The following CLASRP variants were observed in gnomAD, a reference collection of about 807,000 sequenced individuals.
The protein encoded by CLASRP is CLK4-associating serine/arginine rich protein.
A neutral mutation model predicts 99.9 loss-of-function variants in CLASRP; 52 were observed. The ratio of observed to expected loss-of-function variants is 0.52; its 90% confidence interval spans 0.42 to 0.66. CLASRP has a LOEUF of 0.66. Among genes scored for constraint, CLASRP ranks in the 30% least tolerant of loss-of-function variants. The pLI, the probability that CLASRP is intolerant of heterozygous loss-of-function variation, is 0.00. For missense variants in CLASRP, 848 were observed against 999.2 expected, an observed-to-expected ratio of 0.85 and a Z score of 2.04; for synonymous variants, 379 against 373.0, an observed-to-expected ratio of 1.02 and a Z score of -0.18.
intron 4 of CLASRP, 91 bp from the exon 5 acceptor site, chr19:45,053,007 G>A (rs756322732): frequency 6.4e-7 from 1 of 1,553,108 alleles, no homozygotes. Context: ...ACCGCCCTGA[G>A]CCTGAGGGGG....
chr19:45,061,337 C>T (rs1017430686), intron 10 of CLASRP, among the ~76,000 whole-genome samples: 2 of 152,224 alleles, frequency 1.3e-5, no homozygotes, highest in Non-Finnish European at 2.9e-5. Flanking sequence ...GAGGGTAGTG[C>T]AGGAACGCCC....
rs202206503 is a variant in CLASRP, at chr19:45,042,527, A to ATATATATG, written c.99+2217_99+2218insATATATGT. The stretch of plus-strand genomic sequence containing the variant: ...AAAAAAAATTTATATATATATATAT[A>ATATATATG]TGTGTGTGTATGTATGTATACACAC... On this transcript the variant is annotated intron_variant, in intron 2 of 20. Coordinates refer to ENST00000221455, the MANE Select transcript of CLASRP (RefSeq NM_007056.3). Among the ~76,000 whole-genome samples the ATATATATG allele has an allele frequency of 2.9e-3, 442 of 151,648 alleles. 1 individual carries two copies. The highest frequency in any genetic ancestry group is 0.01 in the African/African-American group (421 of 41,380).
Position 45,060,503 on chromosome 19 carries a change from G to T in CLASRP, c.789+36G>T. ...GGCTGGAGTGGAAGGGGACAGGGGT[G>T]TGTCACAGGGAGGGCACCCCCTCAC... is the stretch of plus-strand genomic sequence containing the variant. On this transcript the variant is annotated intron_variant, in intron 9 of 20. Transcript: ENST00000221455. The surrounding 1 kb of genome is among the most constrained non-coding windows in gnomAD (Gnocchi z 4.6). 1 of 1,613,502 alleles carries T rather than the reference G, an allele frequency of 6.2e-7. No homozygotes were observed. Among genetic ancestry groups the T allele is most frequent in the Non-Finnish European group, 8.5e-7 (1 of 1,179,448 alleles).
In CLASRP at chr19:45,064,176, C is replaced by G; in HGVS notation, c.1070C>G (p.Pro357Arg). 2 of 1,609,588 alleles carry G rather than the reference C, an allele frequency of 1.2e-6. No homozygotes were observed. The highest frequency in any genetic ancestry group is 1.7e-6 in the Non-Finnish European group (2 of 1,178,748). ...TCAGGAGTCACCACAGGGAAGCCCC[C>G]CGCACCTCCCCAGCCTGGCGGCCCC... ...AASGVTTGKP[P>R]APPQPGGPAP... Residue 357 changes from proline (P) to arginine (R), a missense_variant, in exon 12 of 21, where the codon CCC becomes CGC. Transcript: ENST00000221455.
chr19:45,062,084 G>T, intron 10 of CLASRP, 70 bp from the exon 11 acceptor site: 1 of 947,372 alleles, frequency 1.1e-6, no homozygotes, highest in Non-Finnish European at 1.7e-6. Flanking sequence ...AGGTTGGCGG[G>T]CTTATCCCAA....
At chr19:45,069,558 G>T (rs900746425) in intron 18 of CLASRP, 1 of 543,690 alleles carries the variant, frequency 1.8e-6, no homozygotes, top group Non-Finnish European at 3.3e-6. Context: ...CTCACCCACC[G>T]CCATGGGTCT....
intron 3 of CLASRP, among the ~76,000 whole-genome samples, chr19:45,052,544 GCC>G: frequency 6.6e-6 from 1 of 152,230 alleles, no homozygotes; most frequent in East Asian, 1.9e-4. Context: ...GAGAAATGGG[GCC>G]CTGGTGTCCC....
At chr19:45,056,977 A>C (rs952695064) in intron 6 of CLASRP, among the ~76,000 whole-genome samples, 1 of 152,044 alleles carries the variant, frequency 6.6e-6, no homozygotes, top group African/African-American at 2.4e-5. Flanking sequence ...AGCTGATGTC[A>C]CTCTGGAGAG....
chr19:45,043,374 T>C (rs1246468680), intron 2 of CLASRP, among the ~76,000 whole-genome samples: 3 of 132,468 alleles, frequency 2.3e-5, no homozygotes, highest in Non-Finnish European at 3.0e-5. Context: ...ATAGTGCCAC[T>C]GCACTCCAGC....
At chr19:45,054,182 C>G (rs902138578) in intron 5 of CLASRP, among the ~76,000 whole-genome samples, 11 of 152,188 alleles carry the variant, frequency 7.2e-5, no homozygotes, top group African/African-American at 2.7e-4. Context: ...CAGACTTGGG[C>G]TTTTTTGTCT....
intron 17 of CLASRP, 31 bp downstream of exon 17, chr19:45,069,155 G>A (rs1467515379): frequency 7.4e-6 from 12 of 1,613,988 alleles, no homozygotes; most frequent in Non-Finnish European, 1.0e-5. Context: ...CTGGGGTGAC[G>A]GGTGGGTGCT....
At chr19:45,053,700 G>A (rs1191535034) in intron 5 of CLASRP, among the ~76,000 whole-genome samples, 5 of 152,060 alleles carry the variant, frequency 3.3e-5, no homozygotes, top group East Asian at 3.9e-4. Flanking sequence ...GGCTGGTCTC[G>A]AACTCTTGAC....
chr19:45,050,208 G>C (rs553795592), intron 2 of CLASRP, among the ~76,000 whole-genome samples: 3 of 130,502 alleles, frequency 2.3e-5, no homozygotes, highest in African/African-American at 8.3e-5. Context: ...GGAGTGGGGT[G>C]GGGGGTGGGG....
At chr19:45,065,281 T>C (rs373200019) in intron 13 of CLASRP, among the ~76,000 whole-genome samples, 36 of 150,896 alleles carry the variant, frequency 2.4e-4, no homozygotes, top group African/African-American at 8.8e-4. Flanking sequence ...TCCCAGCTAC[T>C]TGAGAGGCTG....
In CLASRP at chr19:45,070,304, T is replaced by TAC. The variant is rs147314692; in HGVS notation, c.1957+216_1958-216dup. Among the ~76,000 whole-genome samples the TAC allele has an allele frequency of 3.0e-3, 454 of 150,826 alleles. 2 individuals carry two copies. The highest frequency in any genetic ancestry group is 6.9e-3 in the Middle Eastern group (2 of 290). On this transcript the variant is annotated intron_variant, in intron 19 of 20. Transcript: ENST00000221455. ...TGACCAACATGGTGACACACATACG[T>TAC]ACACACACACACACACAGATTGCTT...
At chr19:45,039,806 CT>C in intron 1 of CLASRP, 1 of 169,676 alleles carries the variant, frequency 5.9e-6, no homozygotes, top group Non-Finnish European at 1.3e-5. Flanking sequence ...TAGTGGGAGC[CT>C]TTTCAGTTCT....
intron 2 of CLASRP, among the ~76,000 whole-genome samples, chr19:45,043,976 G>A (rs544766651): frequency 6.2e-4 from 94 of 152,222 alleles, no homozygotes; most frequent in African/African-American, 2.2e-3. Flanking sequence ...CCGCCTCCCG[G>A]GTTCAAGCAA....
intron 2 of CLASRP, among the ~76,000 whole-genome samples, chr19:45,046,295 G>A (rs926731666): frequency 3.9e-5 from 6 of 152,204 alleles, no homozygotes; most frequent in South Asian, 4.1e-4. Context: ...GTTGGTGCCT[G>A]CTTTCTCTCC....
chr19:45,067,723 C>T lies in CLASRP; in HGVS notation c.1667+129C>T. ...CTGGGGGGTGGTGTATGGCCCTGGC[C>T]TGGGAGGGTGGATTTCAGGGGGACA... is the stretch of plus-strand genomic sequence containing the variant. On this transcript the variant is annotated intron_variant, in intron 14 of 20. Transcript: ENST00000221455. The surrounding 1 kb of genome is among the most constrained non-coding windows in gnomAD (Gnocchi z 4.9). The T allele has an allele frequency of 1.1e-6, 1 of 899,906 alleles. No individual in the cohort carries two copies. The highest frequency in any genetic ancestry group is 2.7e-5 in the Admixed American group (1 of 36,456). 55.7% of individuals were successfully genotyped at this position (899,906 alleles called of 1,614,324 possible).
Sources: allele counts gnomAD v4.1 joint callset (sites outside exome capture counted in the v4.1 genomes callset), GRCh38; gene constraint gnomAD v4.1.1; non-coding constraint Gnocchi (gnomAD v3.1); transcripts MANE v1.5; gene names NCBI Gene and HGNC (gene_info 2026-07-23, HGNC 2026-07-21).